Variants in GCSAM observed in about 807,000 individuals in gnomAD.
GCSAM encodes the protein germinal center associated signaling and motility, also known as germinal center-associated signaling and motility protein.
In GCSAM, 8 loss-of-function variants were observed where a neutral mutation model predicts 17.6. The ratio of observed to expected loss-of-function variants is 0.46; its 90% CI spans 0.27 to 0.82. GCSAM has a LOEUF of 0.82. Among genes scored for constraint, GCSAM ranks in the 40% least tolerant of loss-of-function variants. GCSAM has a pLI of 0.15. For missense variants in GCSAM, 192 were observed against 213.5 expected (o/e 0.90, Z 0.63); for synonymous variants, 68 against 69.0 (o/e 0.98, Z 0.07).
At chr3:112,127,909 A>G (rs2074365684) in intron 3 of GCSAM, 108 bp downstream of exon 3, 1 of 843,002 alleles carries the variant, frequency 1.2e-6, no homozygotes, top group African/African-American at 1.7e-5. Context: ...TATCTGGGCT[A>G]CTGACAGGCT....
At position 112,123,350 on chromosome 3, in the gene GCSAM, G is replaced by A; in HGVS notation, c.*105C>T. On this transcript the variant is annotated 3_prime_UTR_variant, in exon 6 of 6. Transcript: ENST00000308910. Reference sequence around the variant, plus strand: ...TGCTCTGCAGGGAAAGGGTTGTTGTGGGAGATAAGCTGGAGGGACTTTGTG... The same window carrying A: ...TGCTCTGCAGGGAAAGGGTTGTTGTAGGAGATAAGCTGGAGGGACTTTGTG... 1 of 1,525,148 alleles carries A rather than the reference G, an allele frequency of 6.6e-7. No homozygotes were observed. 94.5% of individuals were successfully genotyped at this position (1,525,148 alleles called of 1,614,324 possible).
At chr3:112,132,982 C>A in intron 1 of GCSAM, 110 bp downstream of exon 1, 1 of 1,109,414 alleles carries the variant, frequency 9.0e-7, no homozygotes, top group Admixed American at 2.1e-5. Flanking sequence ...TACCCAACTA[C>A]TTTCTACCCC....
chr3:112,128,894 T>TACAGTATGTATGTA (rs2074389656), intron 2 of GCSAM: 1 of 152,264 alleles, frequency 6.6e-6, no homozygotes, highest in Non-Finnish European at 1.5e-5. Flanking sequence ...TAGTATCAGT[T>TACAGTATGTATGTA]ACAGTATGTA....
Position 112,123,661 on chromosome 3 carries a change from GA to G in GCSAM, c.330del (p.Cys112AlafsTer77). On this transcript the variant is annotated frameshift_variant, in exon 6 of 6. Transcript: ENST00000308910. LOFTEE classifies it low-confidence loss of function (END_TRUNC). ...TCTCTGGGTCTCTCAGCTTTGCAGG[GA>G]ACATTCTCATAGTACTCTTCAGCAG... ...GNSAEEYYENVPCKAERPRES... is the reference protein window; with the variant it reads ...GNSAEEYYENXPCKAERPRES... The G allele has an allele frequency of 6.2e-7, 1 of 1,614,104 alleles. No individual in the cohort carries two copies. The highest frequency in any genetic ancestry group is 8.5e-7 in the Non-Finnish European group (1 of 1,180,002).
chr3:112,123,555 T>C lies in GCSAM; in HGVS notation c.437A>G (p.Asp146Gly). The change falls in exon 6 of 6, where the codon GAT (aspartate) becomes GGT (glycine). Residue 146 changes from aspartate (D) to glycine (G), a missense_variant. Coordinates refer to ENST00000308910, the MANE Select transcript of GCSAM (RefSeq NM_152785.5). ...GTGAGGCATGAGAAGTTCATATTCATCTTCTGGGGATCGGGCATGCCTGGG... is the reference window on the plus strand; with the variant it reads ...GTGAGGCATGAGAAGTTCATATTCACCTTCTGGGGATCGGGCATGCCTGGG... ...TDPRHARSPE[D>G]EYELLMPHRI... The C allele has an allele frequency of 6.2e-7, 1 of 1,614,184 alleles. No individual in the cohort carries two copies. Among genetic ancestry groups the C allele is most frequent in the Non-Finnish European group, 8.5e-7 (1 of 1,180,014 alleles).
chr3:112,123,195 C>A lies in GCSAM; in HGVS notation c.*260G>T. 1.8e-6 allele frequency: 1 copy of A among 548,748 alleles called. No individual in the cohort carries two copies. The highest frequency in any genetic ancestry group is 3.1e-6 in the Non-Finnish European group (1 of 317,728). 34.0% of individuals were successfully genotyped at this position (548,748 alleles called of 1,614,324 possible). ...TAGGGGAATCAGGGAGCCCCTCCTA[C>A]CACTATACTCTCCAAACCATGTAGA... On this transcript the variant is annotated 3_prime_UTR_variant, in exon 6 of 6. Transcript: ENST00000308910.
chr3:112,123,927 C>T (rs535049472), intron 5 of GCSAM, among the ~76,000 whole-genome samples, 155 bp from the exon 6 acceptor site: 2 of 152,284 alleles, frequency 1.3e-5, no homozygotes, highest in South Asian at 4.1e-4. Context: ...GCTGCTTCTA[C>T]CCCAACCACT....
intron 5 of GCSAM, among the ~76,000 whole-genome samples, chr3:112,124,373 C>A (rs1450002498): frequency 1.3e-5 from 2 of 152,136 alleles, no homozygotes; most frequent in Non-Finnish European, 2.9e-5. Flanking sequence ...CTTTGGGAGG[C>A]CGAAGTGGGT....
intron 2 of GCSAM, chr3:112,129,933 GA>G (rs1467627448): frequency 6.5e-6 from 1 of 152,982 alleles, no homozygotes; most frequent in East Asian, 1.9e-4. Flanking sequence ...TTTCCTTAGA[GA>G]GAATTCTTTA....
chr3:112,122,780 C>G lies in GCSAM; in HGVS notation c.*675G>C, dbSNP rs1162976591. 1 of 152,174 alleles carries G rather than the reference C, an allele frequency of 6.6e-6. No individual in the cohort carries two copies. Among genetic ancestry groups the G allele is most frequent in the East Asian group, 1.9e-4 (1 of 5,200 alleles). The allele number at this position is 152,174 out of a possible 1,614,324, so 9.4% of individuals were successfully genotyped here. A position where few individuals can be genotyped will look rare whatever the true frequency, so the allele number is the denominator to read the frequency against. On this transcript the variant is annotated 3_prime_UTR_variant, in exon 6 of 6. Transcript: ENST00000308910. ...GATTACGGGATCTCCAAGGATCGTTCTTCTTAACATTGTCTGATGGCATAA... is the reference window on the plus strand; with the variant it reads ...GATTACGGGATCTCCAAGGATCGTTGTTCTTAACATTGTCTGATGGCATAA...
rs191638761 is a variant in GCSAM at position 112,124,785 on chromosome 3, A to G, written c.219+441T>C. 1.4e-3 allele frequency among the ~76,000 whole-genome samples: 210 copies of G among 152,270 alleles called. 2 individuals carry two copies. The Middle Eastern group carries it at 0.027, about 20-fold the overall frequency. ...AAGCAAAGCAGCAAAGTACAGGGGG[A>G]AAAGCATGGATTGTGAAGTGAGACT... is the stretch of plus-strand genomic sequence containing the variant. On this transcript the variant is annotated intron_variant, in intron 5 of 5. Coordinates refer to ENST00000308910, the MANE Select transcript of GCSAM (RefSeq NM_152785.5).
intron 2 of GCSAM, 188 bp from the exon 3 acceptor site, chr3:112,128,249 T>C: frequency 1.4e-6 from 1 of 701,526 alleles, no homozygotes; most frequent in Non-Finnish European, 2.6e-6. Flanking sequence ...GATGATACTA[T>C]CAAATTCCTA....
intron 1 of GCSAM, 76 bp from the exon 2 acceptor site, chr3:112,130,589 C>T: frequency 7.6e-7 from 1 of 1,315,328 alleles, no homozygotes; most frequent in Non-Finnish European, 1.1e-6. Flanking sequence ...ATTTTTCCGA[C>T]TTTCCTCATT....
Position 112,127,064 on chromosome 3 carries a change from A to G in GCSAM, c.144-31T>C, listed in dbSNP as rs772735526. ...AAAGAAAAGCAAAGCAAATTGTTTTAATATTCAGAAACTCTCAAAGGAAAT... is the reference window on the plus strand; with the variant it reads ...AAAGAAAAGCAAAGCAAATTGTTTTGATATTCAGAAACTCTCAAAGGAAAT... On this transcript the variant is annotated intron_variant, in intron 3 of 5. Coordinates refer to ENST00000308910, the MANE Select transcript of GCSAM (RefSeq NM_152785.5). 2.6e-5 allele frequency: 36 copies of G among 1,397,724 alleles called. No individual in the cohort carries two copies. In the South Asian group the frequency reaches 4.3e-4, roughly 17 times the overall value. The allele number at this position is 1,397,724 out of a possible 1,614,324, so 86.6% of individuals were successfully genotyped here.
intron 4 of GCSAM, among the ~76,000 whole-genome samples, chr3:112,126,349 G>C (rs1576164110): frequency 6.6e-6 from 1 of 152,126 alleles, no homozygotes; most frequent in African/African-American, 2.4e-5. Flanking sequence ...ACAATGGCTT[G>C]TCCTCAGGCC....
chr3:112,130,535 A>G (rs1392606760), intron 1 of GCSAM, 22 bp from the exon 2 acceptor site: 1 of 1,608,124 alleles, frequency 6.2e-7, no homozygotes, highest in South Asian at 1.1e-5. Flanking sequence ...CATATCAGAA[A>G]CAGGCTAAGT....
chr3:112,124,778 CA>C (rs895360543), intron 5 of GCSAM, among the ~76,000 whole-genome samples: 4 of 152,240 alleles, frequency 2.6e-5, no homozygotes, highest in African/African-American at 9.6e-5. Context: ...CAGCAAAGTA[CA>C]GGGGGAAAAG....
In GCSAM at chr3:112,123,562, G is replaced by C; in HGVS notation, c.430C>G (p.Pro144Ala). Residue 144 changes from proline (P) to alanine (A), a missense_variant, in exon 6 of 6, where the codon CCA (proline) becomes GCA (alanine). Pro to Ala is a conservative substitution (Grantham distance 27). Transcript: ENST00000308910. ...PSTDPRHARSPEDEYELLMPH... is the reference protein window; with the variant it reads ...PSTDPRHARSAEDEYELLMPH... ...ATGAGAAGTTCATATTCATCTTCTG[G>C]GGATCGGGCATGCCTGGGGTCTGTA... 1.2e-6 allele frequency: 2 copies of C among 1,614,178 alleles called. No homozygotes were observed. Among genetic ancestry groups the C allele is most frequent in the South Asian group, 1.1e-5 (1 of 91,072 alleles).
chr3:112,132,687 T>A (rs1348120089), intron 1 of GCSAM: 2 of 987,740 alleles, frequency 2.0e-6, no homozygotes, highest in Admixed American at 1.2e-4. Flanking sequence ...GCAGGAAGCT[T>A]GCTGTTTATT....
Sources: gnomAD v4.1 joint callset for allele counts (sites outside exome capture counted in the v4.1 genomes callset) on GRCh38, gnomAD v4.1.1 for gene constraint, MANE v1.5 for transcripts, NCBI Gene and HGNC (gene_info 2026-07-23, HGNC 2026-07-21) for gene names.